Variants in JAZF1 observed in about 807,000 individuals in gnomAD.
The protein encoded by JAZF1 is JAZF zinc finger 1.
JAZF1 carries 8 observed loss-of-function variants against 26.4 expected under a neutral mutation model. That is an observed-to-expected ratio of 0.30 (90% confidence interval 0.18 to 0.55). JAZF1 has a LOEUF of 0.55. JAZF1 is among the 20% of genes least tolerant of loss of function. The probability of loss-of-function intolerance (pLI) is 0.94; values close to 1 mark genes in which losing one functional copy is unlikely to be tolerated. For missense variants in JAZF1, 199 were observed against 322.0 expected (o/e 0.62, Z 2.92); for synonymous variants, 126 against 122.3 (o/e 1.03, Z -0.20).
intron 3 of JAZF1, among the ~76,000 whole-genome samples, chr7:27,865,803 A>C (rs1464647251): frequency 6.6e-6 from 1 of 152,166 alleles, no homozygotes; most frequent in Admixed American, 6.5e-5. Context: ...ACAGACACGA[A>C]AGTGACAGAT....
At chr7:27,939,028 G>A (rs1006277076) in intron 2 of JAZF1, among the ~76,000 whole-genome samples, 1 of 152,106 alleles carries the variant, frequency 6.6e-6, no homozygotes, top group African/African-American at 2.4e-5. Context: ...GACTGATGCC[G>A]CTTTTGCCAC....
intron 4 of JAZF1, among the ~76,000 whole-genome samples, chr7:27,836,340 C>T (rs755931846): frequency 3.7e-4 from 57 of 152,114 alleles, no homozygotes; most frequent in Non-Finnish European, 7.1e-4. Context: ...TTAGGAACTA[C>T]CTGTCCCCTC....
At chr7:28,005,986 A>G (rs982935421) in intron 1 of JAZF1, among the ~76,000 whole-genome samples, 1 of 152,210 alleles carries the variant, frequency 6.6e-6, no homozygotes, top group African/African-American at 2.4e-5. Flanking sequence ...CTCAGCAGAT[A>G]AAGATGACAG....
At chr7:27,931,661 C>CA (rs1196192058) in intron 2 of JAZF1, among the ~76,000 whole-genome samples, 4 of 152,044 alleles carry the variant, frequency 2.6e-5, no homozygotes, top group African/African-American at 2.4e-5. Context: ...ACTAAAAATA[C>CA]AAAAAAATTA....
intron 1 of JAZF1, among the ~76,000 whole-genome samples, chr7:28,040,042 T>C (rs891625595): frequency 6.6e-6 from 1 of 152,194 alleles, no homozygotes; most frequent in African/African-American, 2.4e-5. Context: ...GTCCTCAAAC[T>C]GAAGACTCCT....
chr7:28,133,270 TGA>T (rs1372488071), intron 1 of JAZF1, among the ~76,000 whole-genome samples: 2 of 152,174 alleles, frequency 1.3e-5, no homozygotes, highest in Non-Finnish European at 2.9e-5. Context: ...CCTGAAGGAA[TGA>T]GAGTTTTGAC....
rs1390771323 is a variant in JAZF1, at chr7:28,001,961, A to C, written c.116-9980T>G. Reference sequence around the variant, plus strand: ...GGTGAAAAGGAGTTTGATAGACAAGAATATGAGGTCTGCTTCTGACATGTG... The same window carrying C: ...GGTGAAAAGGAGTTTGATAGACAAGCATATGAGGTCTGCTTCTGACATGTG... On this transcript the variant is annotated intron_variant, in intron 1 of 4. Transcript: ENST00000283928. Among the ~76,000 whole-genome samples, 7 of 152,350 alleles carry C rather than the reference A, an allele frequency of 4.6e-5. No individual in the cohort carries two copies. The East Asian group carries it at 1.3e-3, about 29-fold the overall frequency.
chr7:27,895,025 T>C (rs1018723176), intron 3 of JAZF1, among the ~76,000 whole-genome samples, 195 bp downstream of exon 3: 2 of 152,182 alleles, frequency 1.3e-5, no homozygotes, highest in Non-Finnish European at 2.9e-5. Context: ...CACATGCATA[T>C]TAACAATAAT....
chr7:27,979,539 C>A (rs1432377044), intron 2 of JAZF1, among the ~76,000 whole-genome samples: 2 of 151,746 alleles, frequency 1.3e-5, no homozygotes, highest in Non-Finnish European at 2.9e-5. Flanking sequence ...CAGGTGTGAG[C>A]CACTGTGCCT....
At chr7:27,872,942 A>G (rs189363523) in intron 3 of JAZF1, among the ~76,000 whole-genome samples, 16 of 152,318 alleles carry the variant, frequency 1.1e-4, no homozygotes, top group Middle Eastern at 3.4e-3. Context: ...CCAGTAGTCA[A>G]TAAGTGTTTT....
chr7:28,169,878 C>T (rs1182862639), intron 1 of JAZF1, among the ~76,000 whole-genome samples: 1 of 152,160 alleles, frequency 6.6e-6, no homozygotes, highest in Non-Finnish European at 1.5e-5. Flanking sequence ...GAGAGGCTCT[C>T]GCTAAATGAA....
intron 2 of JAZF1, among the ~76,000 whole-genome samples, chr7:27,956,714 G>A (rs1207116626): frequency 5.9e-5 from 9 of 152,188 alleles, no homozygotes; most frequent in African/African-American, 9.7e-5. Flanking sequence ...GGCCCAAAAG[G>A]AGGATGGGGT....
At chr7:28,027,276 G>T (rs1783108850) in intron 1 of JAZF1, among the ~76,000 whole-genome samples, 1 of 152,162 alleles carries the variant, frequency 6.6e-6, no homozygotes, top group Non-Finnish European at 1.5e-5. Flanking sequence ...TGGAGAGTAG[G>T]AAAAAGTGGT....
intron 1 of JAZF1, among the ~76,000 whole-genome samples, chr7:28,095,494 GA>G (rs1241124954): frequency 9.9e-5 from 15 of 152,106 alleles, no homozygotes; most frequent in South Asian, 2.1e-4. Flanking sequence ...CAGCATGGGG[GA>G]AACCACCCCC....
intron 3 of JAZF1, among the ~76,000 whole-genome samples, chr7:27,871,433 C>T (rs866224255): frequency 3.3e-5 from 5 of 152,200 alleles, no homozygotes; most frequent in Admixed American, 6.5e-5. Flanking sequence ...AACAAACCAA[C>T]GATATGTCAT....
At chr7:27,867,894 AG>A (rs1277590917) in intron 3 of JAZF1, among the ~76,000 whole-genome samples, 2 of 152,164 alleles carry the variant, frequency 1.3e-5, no homozygotes, top group Non-Finnish European at 2.9e-5. Context: ...TCTCAGTGGG[AG>A]TGCCCAGTGA....
chr7:27,982,916 C>A (rs1185292324), intron 2 of JAZF1, among the ~76,000 whole-genome samples: 1 of 152,148 alleles, frequency 6.6e-6, no homozygotes, highest in Non-Finnish European at 1.5e-5. Flanking sequence ...ACAGAAAGGA[C>A]ATCCACACCA....
intron 1 of JAZF1, among the ~76,000 whole-genome samples, chr7:28,159,181 G>A (rs1783239248): frequency 6.6e-6 from 1 of 152,018 alleles, no homozygotes; most frequent in Non-Finnish European, 1.5e-5. Flanking sequence ...CATGGAGAGA[G>A]AAAGCCTCCG....
At chr7:28,158,731 C>T (rs1332950077) in intron 1 of JAZF1, among the ~76,000 whole-genome samples, 1 of 152,224 alleles carries the variant, frequency 6.6e-6, no homozygotes, top group Admixed American at 6.5e-5. Flanking sequence ...TAAGTCCTCT[C>T]ACCATCAGTT....
Sources: gnomAD v4.1 joint callset for allele counts (sites outside exome capture counted in the v4.1 genomes callset) on GRCh38, gnomAD v4.1.1 for gene constraint, MANE v1.5 for transcripts, NCBI Gene and HGNC (gene_info 2026-07-23, HGNC 2026-07-21) for gene names.